The following RGS5 variants were observed in gnomAD, a reference collection of about 807,000 sequenced individuals.
RGS5 encodes regulator of G protein signaling 5, also known as regulator of G-protein signalling 5.
Under a neutral mutation model 18.9 loss-of-function variants are expected in RGS5, and 20 were observed. The ratio of observed to expected loss-of-function variants is 1.06; its 90% CI spans 0.74 to 1.54. The LOEUF is 1.54. Ranked by LOEUF, RGS5 falls within the 40% of genes most tolerant of loss-of-function variation. RGS5 has a pLI of 0.00. For missense variants in RGS5, 201 were observed against 211.8 expected (o/e 0.95, Z 0.32); for synonymous variants, 57 against 76.2 (o/e 0.75, Z 1.31).
In RGS5 at chr1:163,182,856, C is replaced by A. The variant is rs146227938; in HGVS notation, c.45-14488G>T. 2.0e-5 allele frequency among the ~76,000 whole-genome samples: 3 copies of A among 151,976 alleles called. No homozygotes were observed. In the East Asian group the frequency reaches 5.8e-4, roughly 29 times the overall value. ...TCCTGCTTTGAATTATACTGCGGGACTTTATAGACTGAAAGTTTCTTATTG... is the reference window on the plus strand; with the variant it reads ...TCCTGCTTTGAATTATACTGCGGGAATTTATAGACTGAAAGTTTCTTATTG... On this transcript the variant is annotated intron_variant, in intron 1 of 4. Transcript: ENST00000313961.
intron 2 of RGS5, among the ~76,000 whole-genome samples, chr1:163,225,966 G>A (rs1277066994): frequency 2.0e-5 from 3 of 151,814 alleles, no homozygotes; most frequent in African/African-American, 7.3e-5. Flanking sequence ...TGTTGCCCAG[G>A]GTGGAGTGCA....
intron 1 of RGS5, among the ~76,000 whole-genome samples, chr1:163,172,999 A>G (rs1658374517): frequency 1.3e-5 from 2 of 152,206 alleles, no homozygotes; most frequent in Non-Finnish European, 2.9e-5. Context: ...ATTCAAACAA[A>G]ACAATAGCTC....
In RGS5 at chr1:163,163,193, T is replaced by C. The variant is rs181256872; in HGVS notation, c.156-1217A>G. ...GGCAGTAGGTTTTGGGCTAAAGTAT[T>C]GTGAATAATCCCTTTACTTCTCTAT... On this transcript the variant is annotated intron_variant, in intron 2 of 4. Transcript: ENST00000313961. Among the ~76,000 whole-genome samples the C allele has an allele frequency of 4.6e-5, 7 of 152,310 alleles. 1 individual carries two copies. The highest frequency in any genetic ancestry group is 2.1e-4 in the South Asian group (1 of 4,830).
At chr1:163,167,746 AGGG>A (rs1571230198) in intron 2 of RGS5, among the ~76,000 whole-genome samples, 2 of 152,160 alleles carry the variant, frequency 1.3e-5, no homozygotes, top group Middle Eastern at 3.2e-3. Flanking sequence ...TTGGAACTTG[AGGG>A]GCACTATCTT....
At chr1:163,248,912 G>A (rs902926782) in intron 2 of RGS5, among the ~76,000 whole-genome samples, 21 of 152,200 alleles carry the variant, frequency 1.4e-4, no homozygotes, top group Non-Finnish European at 2.8e-4. Flanking sequence ...CGAGGAGGAA[G>A]CTGAAGAATA....
At chr1:163,262,172 T>TTTTTTTTTTA (rs1287651931) in intron 2 of RGS5, among the ~76,000 whole-genome samples, 7 of 145,012 alleles carry the variant, frequency 4.8e-5, no homozygotes, top group African/African-American at 1.8e-4. Context: ...TTTTTTTTAT[T>TTTTTTTTTTA]ATACTCTAAG....
chr1:163,297,246 G>A (rs548968166), intron 2 of RGS5, among the ~76,000 whole-genome samples: 1 of 152,238 alleles, frequency 6.6e-6, no homozygotes, highest in African/African-American at 2.4e-5. Context: ...TTTATAGCAT[G>A]GTGCTTGTGC....
At chr1:163,216,004 A>G (rs1660208674) in intron 1 of RGS5, among the ~76,000 whole-genome samples, 1 of 152,214 alleles carries the variant, frequency 6.6e-6, no homozygotes, top group Admixed American at 6.5e-5. Flanking sequence ...TGCCAGAGTC[A>G]GGCAGAAGTC....
At chr1:163,241,444 G>C (rs185721243) in intron 2 of RGS5, among the ~76,000 whole-genome samples, 1 of 152,214 alleles carries the variant, frequency 6.6e-6, no homozygotes, top group African/African-American at 2.4e-5. Flanking sequence ...CTCTAGAAGG[G>C]CCTCCCCTAC....
chr1:163,276,592 T>C (rs1403960616), intron 2 of RGS5, among the ~76,000 whole-genome samples: 1 of 152,232 alleles, frequency 6.6e-6, no homozygotes, highest in East Asian at 1.9e-4. Flanking sequence ...TTGGTTTTTA[T>C]ATTACTTAAA....
chr1:163,200,675 A>G (rs918788689), intron 1 of RGS5, among the ~76,000 whole-genome samples: 2 of 152,202 alleles, frequency 1.3e-5, no homozygotes, highest in African/African-American at 4.8e-5. Context: ...GACCCTATTT[A>G]CGATGAGAAC....
intron 3 of RGS5, among the ~76,000 whole-genome samples, chr1:163,159,349 T>C (rs1657711832): frequency 6.6e-6 from 1 of 152,192 alleles, no homozygotes. Context: ...CTTCACAATT[T>C]ATGTTCAAAG....
intron 2 of RGS5, among the ~76,000 whole-genome samples, chr1:163,247,791 T>A (rs1318319004): frequency 6.6e-6 from 1 of 152,150 alleles, no homozygotes. Context: ...AATATTTTAT[T>A]GCTCCTAAGG....
At chr1:163,188,741 T>A (rs1035250397) in intron 1 of RGS5, among the ~76,000 whole-genome samples, 2 of 151,998 alleles carry the variant, frequency 1.3e-5, no homozygotes, top group African/African-American at 4.8e-5. Flanking sequence ...AGGCAGATCA[T>A]GAGGTCAAGA....
At chr1:163,306,553 T>A (rs1190095575) in intron 1 of RGS5, among the ~76,000 whole-genome samples, 4 of 152,166 alleles carry the variant, frequency 2.6e-5, no homozygotes, top group African/African-American at 9.7e-5. Context: ...GTGAGCCATG[T>A]TTTATGGGTT....
chr1:163,170,985 T>TA (rs553204397), intron 1 of RGS5, among the ~76,000 whole-genome samples: 151 of 152,330 alleles, frequency 9.9e-4, no homozygotes, highest in Admixed American at 1.4e-3. Context: ...GATGATTAAA[T>TA]ATACTAATGC....
intron 2 of RGS5, among the ~76,000 whole-genome samples, chr1:163,258,043 C>T (rs756969549): frequency 3.3e-5 from 5 of 152,108 alleles, no homozygotes; most frequent in African/African-American, 4.8e-5. Context: ...CAGCTCAGGC[C>T]CTCTCAGCAC....
chr1:163,164,336 G>C (rs1160001401), intron 2 of RGS5, among the ~76,000 whole-genome samples: 1 of 152,140 alleles, frequency 6.6e-6, no homozygotes, highest in African/African-American at 2.4e-5. Flanking sequence ...GTGGGAGTGT[G>C]GGGGAGAGAG....
chr1:163,276,457 A>G (rs1057189314), intron 2 of RGS5, among the ~76,000 whole-genome samples: 3 of 152,220 alleles, frequency 2.0e-5, no homozygotes, highest in African/African-American at 4.8e-5. Flanking sequence ...AATTTTTTTC[A>G]TAACGATGCT....
Sources: gnomAD v4.1 joint callset for allele counts (sites outside exome capture counted in the v4.1 genomes callset) on GRCh38, gnomAD v4.1.1 for gene constraint, MANE v1.5 for transcripts, NCBI Gene and HGNC (gene_info 2026-07-23, HGNC 2026-07-21) for gene names.